The following MYT1L variants were observed in gnomAD, a reference collection of about 807,000 sequenced individuals.
MYT1L encodes myelin transcription factor 1-like protein.
Under a neutral mutation model 126.7 loss-of-function variants are expected in MYT1L, and 12 were observed. The ratio of observed to expected loss-of-function variants is 0.09; its 90% confidence interval spans 0.06 to 0.15. The LOEUF (loss-of-function observed/expected upper bound fraction) is 0.15, where lower values mean the gene tolerates loss of function less well. MYT1L is among the 10% of genes least tolerant of loss of function. The pLI is 1.00. For synonymous variants in MYT1L, 541 were observed against 604.2 expected (o/e 0.90, Z 1.53); for missense variants, 979 against 1,585.2 (o/e 0.62, Z 6.49).
intron 4 of MYT1L, among the ~76,000 whole-genome samples, chr2:2,009,749 T>C (rs1003042000): frequency 3.3e-5 from 5 of 152,340 alleles, no homozygotes; most frequent in South Asian, 2.1e-4. Flanking sequence ...CCATGCTGAA[T>C]AGAAGTGGCG....
chr2:1,802,057 C>T (rs761770898), intron 22 of MYT1L: 66 of 351,164 alleles, frequency 1.9e-4, no homozygotes, highest in Non-Finnish European at 3.2e-4. Context: ...CTTTGAGGGT[C>T]GAGCTCCCAG....
chr2:2,153,437 T>C (rs966671613), intron 3 of MYT1L, among the ~76,000 whole-genome samples: 1 of 151,930 alleles, frequency 6.6e-6, no homozygotes, highest in African/African-American at 2.4e-5. Context: ...TGGGCCAGAG[T>C]CCCTCTGCAC....
chr2:2,027,189 A>G (rs930079060), intron 4 of MYT1L, among the ~76,000 whole-genome samples: 3 of 152,110 alleles, frequency 2.0e-5, no homozygotes, highest in African/African-American at 4.8e-5. Context: ...GGAGATCCGA[A>G]TCCGGATCCG....
chr2:2,157,148 C>G (rs913573242), intron 3 of MYT1L, among the ~76,000 whole-genome samples: 1 of 152,108 alleles, frequency 6.6e-6, no homozygotes, highest in African/African-American at 2.4e-5. Flanking sequence ...AACAATCAAG[C>G]AGATCAGTGA....
intron 5 of MYT1L, among the ~76,000 whole-genome samples, chr2:1,992,516 A>G (rs2061523778): frequency 6.6e-6 from 1 of 152,198 alleles, no homozygotes. Flanking sequence ...CTCGGGCATA[A>G]GAACCCAGAG....
chr2:1,889,468 T>C lies in MYT1L; in HGVS notation c.2293A>G (p.Met765Val), dbSNP rs2048560485. The change falls in exon 16 of 25, where the codon ATG (methionine) becomes GTG (valine). Residue 765 changes from methionine (M) to valine (V), a missense_variant. Transcript: ENST00000647738. The surrounding 1 kb of genome is among the most constrained non-coding windows in gnomAD (Gnocchi z 4.1). ...AGGGTCCCGTTCTCATCCACCTCCA[T>C]GTCAGGGTTCTGTCGGTAGAAAGAC... ...QDLCATRNPD[M>V]EVDENGTLDL... 2 of 1,598,932 alleles carry C rather than the reference T, an allele frequency of 1.3e-6. No individual in the cohort carries two copies. Among genetic ancestry groups the C allele is most frequent in the South Asian group, 2.2e-5 (2 of 89,670 alleles).
At chr2:2,275,554 C>T (rs1363252277) in intron 2 of MYT1L, among the ~76,000 whole-genome samples, 4 of 151,992 alleles carry the variant, frequency 2.6e-5, no homozygotes, top group African/African-American at 9.7e-5. Flanking sequence ...GAGGTCGTAT[C>T]GCACCTAGTG....
At chr2:1,934,284 T>G (rs2055495690) in intron 9 of MYT1L, among the ~76,000 whole-genome samples, 1 of 100,982 alleles carries the variant, frequency 9.9e-6, no homozygotes, top group South Asian at 3.0e-4. Flanking sequence ...GATTTTGATT[T>G]TTATAACATA....
At chr2:2,247,357 A>T (rs954624106) in intron 2 of MYT1L, among the ~76,000 whole-genome samples, 3 of 152,224 alleles carry the variant, frequency 2.0e-5, no homozygotes, top group African/African-American at 7.2e-5. Flanking sequence ...ATATGCTCCC[A>T]ACACTGGAGT....
rs564795745 is a variant in MYT1L at position 1,975,724 on chromosome 2, C to T, written c.152+3441G>A. 8.5e-5 allele frequency among the ~76,000 whole-genome samples: 13 copies of T among 152,148 alleles called. No homozygotes were observed. The East Asian group carries it at 2.5e-3, about 30-fold the overall frequency. Reference sequence around the variant, plus strand: ...ACTAAAAATACAAAAATTAGCTGGGCGTGGTGGCGCACACTTGTAATCCCA... The same window carrying T: ...ACTAAAAATACAAAAATTAGCTGGGTGTGGTGGCGCACACTTGTAATCCCA... On this transcript the variant is annotated intron_variant, in intron 8 of 24. Coordinates refer to ENST00000647738, the MANE Select transcript of MYT1L (RefSeq NM_001303052.2).
chr2:2,310,528 A>G (rs2095949969), intron 1 of MYT1L, among the ~76,000 whole-genome samples: 2 of 152,182 alleles, frequency 1.3e-5, no homozygotes, highest in Non-Finnish European at 2.9e-5. Context: ...CCTCTAAATC[A>G]TTCCCTAGAG....
At chr2:1,951,789 C>T (rs2057776111) in intron 8 of MYT1L, among the ~76,000 whole-genome samples, 1 of 152,214 alleles carries the variant, frequency 6.6e-6, no homozygotes, top group African/African-American at 2.4e-5. Context: ...CTGAGTTCTC[C>T]TTTTCTTATT....
chr2:2,252,534 A>G (rs1417673837), intron 2 of MYT1L, among the ~76,000 whole-genome samples: 1 of 152,228 alleles, frequency 6.6e-6, no homozygotes, highest in Admixed American at 6.5e-5. Context: ...GCTCTTGCAT[A>G]CAGCAGAATT....
intron 21 of MYT1L, among the ~76,000 whole-genome samples, chr2:1,818,332 C>A (rs1197619359): frequency 1.3e-5 from 2 of 152,122 alleles, no homozygotes; most frequent in South Asian, 2.1e-4. Context: ...GTGCTGTCTG[C>A]GATTCAGTAT....
chr2:1,913,853 G>C (rs974910453), intron 11 of MYT1L, among the ~76,000 whole-genome samples: 1 of 152,122 alleles, frequency 6.6e-6, no homozygotes. Flanking sequence ...ACACTCTGCT[G>C]CTACTTCATC....
At chr2:2,252,787 C>T (rs1303607544) in intron 2 of MYT1L, among the ~76,000 whole-genome samples, 1 of 152,134 alleles carries the variant, frequency 6.6e-6, no homozygotes, top group Non-Finnish European at 1.5e-5. Flanking sequence ...CCTGGGTGTG[C>T]TCAGTGGGGT....
intron 23 of MYT1L, chr2:1,795,845 T>C (rs1473597943): frequency 6.6e-6 from 1 of 152,244 alleles, no homozygotes; most frequent in Admixed American, 6.5e-5. Context: ...AGCAGCCTGA[T>C]GGCCAGTCTA....
At chr2:1,981,704 G>A (rs563998020) in intron 5 of MYT1L, among the ~76,000 whole-genome samples, 4 of 152,218 alleles carry the variant, frequency 2.6e-5, no homozygotes, top group East Asian at 1.9e-4. Context: ...AGGACGAGTC[G>A]CAAACATGTT....
chr2:2,136,905 G>A (rs998570555), intron 3 of MYT1L, among the ~76,000 whole-genome samples: 5 of 152,158 alleles, frequency 3.3e-5, no homozygotes, highest in Non-Finnish European at 7.3e-5. Flanking sequence ...AATTGTCCTT[G>A]TTTGCAGATG....
Sources: allele counts gnomAD v4.1 joint callset (sites outside exome capture counted in the v4.1 genomes callset), GRCh38; gene constraint gnomAD v4.1.1; non-coding constraint Gnocchi (gnomAD v3.1); transcripts MANE v1.5; gene names NCBI Gene and HGNC (gene_info 2026-07-23, HGNC 2026-07-21).